CNPY4: variants seen among roughly 807,000 people sequenced by gnomAD.
CNPY4 encodes the protein canopy FGF signaling regulator 4, also known as protein canopy homolog 4.
Under a neutral mutation model 30.1 loss-of-function variants are expected in CNPY4, and 33 were observed. The observed-to-expected ratio is 1.10, with a 90% CI of 0.83 to 1.46. The LOEUF is 1.46. Ranked by LOEUF, CNPY4 falls within the 40% of genes most tolerant of loss-of-function variation. The pLI is 0.00. For synonymous variants in CNPY4, 109 were observed against 110.1 expected (o/e 0.99, Z 0.06); for missense variants, 324 against 302.6 (o/e 1.07, Z -0.52).
At chr7:100,120,180 A>AC in intron 1 of CNPY4, 1 of 229,146 alleles carries the variant, frequency 4.4e-6, no homozygotes, top group South Asian at 7.1e-5. Flanking sequence ...TGTTTACCTC[A>AC]TGTCACCAGA....
rs1798160796 is a variant in CNPY4, at chr7:100,124,495, G to A, written c.466-19G>A. 6.4e-7 allele frequency: 1 copy of A among 1,570,590 alleles called. No individual in the cohort carries two copies. Among genetic ancestry groups the A allele is most frequent in the Non-Finnish European group, 8.8e-7 (1 of 1,142,172 alleles). On this transcript the variant is annotated intron_variant, in intron 4 of 5. Coordinates refer to ENST00000262932, the MANE Select transcript of CNPY4 (RefSeq NM_152755.2). ...ATCCCTCCAGAGCAGATACTCTTCT[G>A]GCCCTTCTACTTGACCAGTGTGAGA...
intron 4 of CNPY4, among the ~76,000 whole-genome samples, chr7:100,124,134 C>T (rs1012170681): frequency 2.0e-5 from 3 of 148,570 alleles, no homozygotes; most frequent in Non-Finnish European, 4.5e-5. Flanking sequence ...GAGACTCCAT[C>T]TCAAAAAAAA....
At position 100,122,472 on chromosome 7, in the gene CNPY4, T is replaced by C. The variant is rs768946751; in HGVS notation, c.246-9T>C. On this transcript the variant is annotated splice_polypyrimidine_tract_variant and intron_variant, in intron 2 of 5. Transcript: ENST00000262932. ...ATCCAGGGAATCTTTGTTTCCTCTC[T>C]TTCCACAGAGAGACAAGGCTGGAAG... 2 of 1,614,106 alleles carry C rather than the reference T, an allele frequency of 1.2e-6. No individual in the cohort carries two copies. The highest frequency in any genetic ancestry group is 3.3e-5 in the Admixed American group (2 of 60,000).
intron 4 of CNPY4, chr7:100,124,304 G>A (rs953083277): frequency 5.6e-6 from 3 of 534,322 alleles, no homozygotes; most frequent in Admixed American, 3.1e-5. Flanking sequence ...CAGGCAAGGA[G>A]CTGAGACTCA....
chr7:100,122,315 CG>C lies in CNPY4; in HGVS notation c.176del (p.Arg59GlnfsTer32). 6.2e-7 allele frequency: 1 copy of C among 1,613,938 alleles called. No homozygotes were observed. Among genetic ancestry groups the C allele is most frequent in the Non-Finnish European group, 8.5e-7 (1 of 1,179,920 alleles). The stretch of plus-strand genomic sequence containing the variant: ...GGAACTGAGTCGCACCGGTCGATCT[CG>C]AGAGGTGCTGGAGCTGGGGCAGGTG... ...QAELSRTGRS[R>X]EVLELGQVLD... On this transcript the variant is annotated frameshift_variant, in exon 2 of 6. Transcript: ENST00000262932. LOFTEE classifies it high-confidence loss of function.
chr7:100,123,407 AACTGTAATGCTAGC>A (rs1406816700), intron 4 of CNPY4, among the ~76,000 whole-genome samples: 2 of 152,036 alleles, frequency 1.3e-5, no homozygotes, highest in African/African-American at 4.8e-5. Flanking sequence ...AGTGGCTCAC[AACTGTAATGCTAGC>A]ACTTAGTGAG....
intron 1 of CNPY4, chr7:100,121,116 A>ATATATATATATATATTT (rs1584585316): frequency 1.9e-5 from 1 of 52,778 alleles, no homozygotes; most frequent in Admixed American, 2.8e-4. Context: ...ATATATATAT[A>ATATATATATATATATTT]TTTTTTTTTT....
In CNPY4 at chr7:100,122,760, G is replaced by T. The variant is rs752467111; in HGVS notation, c.343-24G>T. The T allele has an allele frequency of 1.9e-6, 3 of 1,605,256 alleles. No homozygotes were observed. The South Asian group carries it at 3.3e-5, about 18-fold the overall frequency. The stretch of plus-strand genomic sequence containing the variant: ...GAGGGGTGGGGTGGTGAGCTGGGCT[G>T]ATGCCAAATTCTTAATCTCTCAGGG... On this transcript the variant is annotated intron_variant, in intron 3 of 5. Transcript: ENST00000262932.
Position 100,124,726 on chromosome 7 carries a change from A to T in CNPY4, c.585A>T (p.Ala195=), listed in dbSNP as rs900950303. Reference sequence around the variant, plus strand: ...ATTGTTTTCTGTCATCCGATCTAGCATGTCTACAGGAAACTTGGACTGGAA... The same window carrying T: ...ATTGTTTTCTGTCATCCGATCTAGCTTGTCTACAGGAAACTTGGACTGGAA... ...EGHVLPAAET[A]CLQETWTGKE... The change falls in exon 6 of 6, where the codon GCA becomes GCT. Residue 195 remains alanine (A), a splice_region_variant and synonymous_variant. Transcript: ENST00000262932. 3.1e-6 allele frequency: 5 copies of T among 1,613,816 alleles called. No individual in the cohort carries two copies. The African/African-American group carries it at 5.3e-5, about 17-fold the overall frequency.
chr7:100,122,829 G>A lies in CNPY4; in HGVS notation c.388G>A (p.Gly130Arg), dbSNP rs748481588. The A allele has an allele frequency of 6.2e-7, 1 of 1,614,022 alleles. No homozygotes were observed. Among genetic ancestry groups the A allele is most frequent in the Non-Finnish European group, 8.5e-7 (1 of 1,179,994 alleles). The stretch of plus-strand genomic sequence containing the variant: ...AACACTGAAAGGCCTAGTGCAGAAG[G>A]GGGTGAAGGTGGATCTGGGGATCCC... ...MATLKGLVQK[G>R]VKVDLGIPLE... Residue 130 changes from glycine (G) to arginine (R), a missense_variant, in exon 4 of 6, where the codon GGG becomes AGG. Coordinates refer to ENST00000262932, the MANE Select transcript of CNPY4 (RefSeq NM_152755.2).
In CNPY4 at chr7:100,122,817, C is replaced by T. The variant is rs1195287202; in HGVS notation, c.376C>T (p.Leu126=). 9.3e-6 allele frequency: 15 copies of T among 1,613,794 alleles called. No individual in the cohort carries two copies. The highest frequency in any genetic ancestry group is 1.7e-5 in the Admixed American group (1 of 59,952). ...QSQTMATLKG[L]VQKGVKVDLG... is the part of the protein sequence containing the mutation. ...TCAGACCATGGCAACACTGAAAGGC[C>T]TAGTGCAGAAGGGGGTGAAGGTGGA... Residue 126 remains leucine (L), a synonymous_variant, in exon 4 of 6, where the codon CTA becomes TTA. Transcript: ENST00000262932.
In CNPY4 at chr7:100,119,829, G is replaced by C. The variant is rs779535998; in HGVS notation, c.85G>C (p.Asp29His). 1.4e-5 allele frequency: 23 copies of C among 1,613,540 alleles called. No individual in the cohort carries two copies. Among genetic ancestry groups the C allele is most frequent in the Non-Finnish European group, 1.9e-5 (23 of 1,179,900 alleles). ...AWAGMLKEED[D>H]DTERLPSKCE... ...GGCTGGGATGTTGAAGGAGGAGGAC[G>C]ATGACACAGAACGCTTGCCCAGCAA... is the stretch of plus-strand genomic sequence containing the variant. The change falls in exon 1 of 6, where the codon GAT (aspartate) becomes CAT (histidine). Residue 29 changes from aspartate to histidine, a missense_variant. By Grantham distance (81) the Asp-to-His change is moderately conservative. Transcript: ENST00000262932.
At position 100,125,240 on chromosome 7, in the gene CNPY4, CCTT is replaced by C; in HGVS notation, c.*353_*355del. The stretch of plus-strand genomic sequence containing the variant: ...TGGGCTTTGGGGAAGTCACTTAGCT[CCTT>C]AAGGTCTGTTTTTAGACCCTTCCAA... On this transcript the variant is annotated 3_prime_UTR_variant, in exon 6 of 6. Coordinates refer to ENST00000262932, the MANE Select transcript of CNPY4 (RefSeq NM_152755.2). 1 of 232,842 alleles carries C rather than the reference CCTT, an allele frequency of 4.3e-6. No homozygotes were observed. Among genetic ancestry groups the C allele is most frequent in the Non-Finnish European group, 8.5e-6 (1 of 117,956 alleles). The allele number at this position is 232,842 out of a possible 1,614,324, so 14.4% of individuals were successfully genotyped here.
Position 100,125,103 on chromosome 7 carries a change from A to T in CNPY4, c.*215A>T. The T allele has an allele frequency of 1.8e-6, 1 of 549,420 alleles. No homozygotes were observed. The allele number at this position is 549,420 out of a possible 1,614,324, so 34.0% of individuals were successfully genotyped here. A position where few individuals can be genotyped will look rare whatever the true frequency, so the allele number is the denominator to read the frequency against. The stretch of plus-strand genomic sequence containing the variant: ...GGGGGTGGAGGTCCTGCTCCTAGAG[A>T]TGAACTCTATCCAGCCCCTTAATTG... On this transcript the variant is annotated 3_prime_UTR_variant, in exon 6 of 6. Transcript: ENST00000262932.
At chr7:100,123,033 G>A (rs769039105) in intron 4 of CNPY4, 127 bp downstream of exon 4, 15 of 1,083,190 alleles carry the variant, frequency 1.4e-5, no homozygotes, top group Non-Finnish European at 1.8e-5. Flanking sequence ...TGAGGACTGT[G>A]CCATTGATTA....
rs1272968109 is a variant in CNPY4 at position 100,122,645 on chromosome 7, C to T, written c.342+68C>T. 14 of 1,515,476 alleles carry T rather than the reference C, an allele frequency of 9.2e-6. No individual in the cohort carries two copies. In the African/African-American group the frequency reaches 1.7e-4, roughly 18 times the overall value. 93.9% of individuals were successfully genotyped at this position (1,515,476 alleles called of 1,614,324 possible). On this transcript the variant is annotated intron_variant, in intron 3 of 5. Transcript: ENST00000262932. ...AAGATCTGTATCCCCTGAGGCCCTC[C>T]AGAGGTTATCTGCCCATCATCTCAC...
At chr7:100,119,899 G>T (rs780676444) in intron 1 of CNPY4, 37 bp downstream of exon 1, 1 of 1,546,600 alleles carries the variant, frequency 6.5e-7, no homozygotes, top group Admixed American at 2.0e-5. Flanking sequence ...GCATCGCCCG[G>T]CCACACCTCC....
At chr7:100,121,114 ATATTTTTTTTTTTTTTTTTTT>A (rs1246306058) in intron 1 of CNPY4, 10 of 31,152 alleles carry the variant, frequency 3.2e-4, no homozygotes, top group African/African-American at 5.2e-4. Context: ...ATATATATAT[ATATTTTTTTTTTTTTTTTTTT>A]TTTTTTTTTT....
In CNPY4 at chr7:100,122,862, C is replaced by A; in HGVS notation, c.421C>A (p.Leu141Ile). 1 of 1,613,830 alleles carries A rather than the reference C, an allele frequency of 6.2e-7. No homozygotes were observed. ...GGTGGATCTGGGGATCCCTCTGGAG[C>A]TTTGGGATGAGCCCAGCGTGGAGGT... ...VKVDLGIPLELWDEPSVEVTY... is the reference protein window; with the variant it reads ...VKVDLGIPLEIWDEPSVEVTY... The change falls in exon 4 of 6, where the codon CTT (leucine) becomes ATT (isoleucine). Residue 141 changes from leucine to isoleucine, a missense_variant. Leu to Ile is a conservative substitution (Grantham distance 5). Coordinates refer to ENST00000262932, the MANE Select transcript of CNPY4 (RefSeq NM_152755.2).
Sources: allele counts gnomAD v4.1 joint callset (sites outside exome capture counted in the v4.1 genomes callset), GRCh38; gene constraint gnomAD v4.1.1; transcripts MANE v1.5; gene names NCBI Gene and HGNC (gene_info 2026-07-23, HGNC 2026-07-21).